Variants in DNM3 observed in about 807,000 individuals in gnomAD.
DNM3 encodes the protein dynamin-3.
A neutral mutation model predicts 101.6 loss-of-function variants in DNM3; 47 were observed. The observed-to-expected ratio is 0.46, with a 90% CI of 0.37 to 0.59. DNM3 has a LOEUF of 0.59. DNM3 is among the 20% of genes least tolerant of loss of function. DNM3 has a pLI of 0.00. For synonymous variants in DNM3, 385 were observed against 387.9 expected (o/e 0.99, Z 0.09); for missense variants, 849 against 1,085.7 (o/e 0.78, Z 3.06).
chr1:171,918,793 G>A (rs1312364599), intron 1 of DNM3, among the ~76,000 whole-genome samples: 1 of 152,090 alleles, frequency 6.6e-6, no homozygotes, highest in Non-Finnish European at 1.5e-5. Context: ...ATGTATCTGT[G>A]TATTTTTAGT....
At chr1:172,268,105 G>C (rs1043766769) in intron 15 of DNM3, among the ~76,000 whole-genome samples, 2 of 152,058 alleles carry the variant, frequency 1.3e-5, no homozygotes, top group Non-Finnish European at 2.9e-5. Context: ...TTTTCTGCTA[G>C]AACTATTAAG....
chr1:172,033,318 G>T lies in DNM3; in HGVS notation c.849+53G>T, dbSNP rs192599151. On this transcript the variant is annotated intron_variant, in intron 6 of 20. Transcript: ENST00000627582. ...ACAATTATGAAATATGTAAGTAGGT[G>T]CTGGAATTCATATTTATTATTTTTA... is the stretch of plus-strand genomic sequence containing the variant. 39 of 1,471,462 alleles carry T rather than the reference G, an allele frequency of 2.7e-5. No homozygotes were observed. In the Admixed American group the frequency reaches 1.0e-3, roughly 38 times the overall value. The allele number at this position is 1,471,462 out of a possible 1,614,324, so 91.2% of individuals were successfully genotyped here. A position where few individuals can be genotyped will look rare whatever the true frequency, so the allele number is the denominator to read the frequency against.
intron 20 of DNM3, among the ~76,000 whole-genome samples, chr1:172,399,574 C>G (rs2070301918): frequency 6.6e-6 from 1 of 152,086 alleles, no homozygotes. Context: ...TTTAATTGGA[C>G]TTAGTCACAT....
intron 15 of DNM3, among the ~76,000 whole-genome samples, chr1:172,287,791 A>C (rs1454081946): frequency 6.4e-5 from 9 of 141,160 alleles, no homozygotes; most frequent in African/African-American, 2.5e-4. Context: ...TAAAATATAT[A>C]TATATATACA....
At chr1:172,008,023 G>A (rs962718812) in intron 4 of DNM3, among the ~76,000 whole-genome samples, 2 of 151,810 alleles carry the variant, frequency 1.3e-5, no homozygotes, top group African/African-American at 4.8e-5. Context: ...ACATCTATTC[G>A]GGTCTTTTGC....
chr1:172,195,799 T>C (rs976931522), intron 14 of DNM3, among the ~76,000 whole-genome samples: 3 of 151,958 alleles, frequency 2.0e-5, no homozygotes, highest in Admixed American at 6.6e-5. Flanking sequence ...ATTCTTTTTA[T>C]GTATTTTTGG....
At chr1:171,966,777 G>A (rs1045184319) in intron 2 of DNM3, among the ~76,000 whole-genome samples, 1 of 152,148 alleles carries the variant, frequency 6.6e-6, no homozygotes, top group African/African-American at 2.4e-5. Flanking sequence ...AAATGAGGTG[G>A]AATTTGGCTC....
chr1:171,961,134 G>T (rs754845758), intron 2 of DNM3, among the ~76,000 whole-genome samples: 19 of 152,140 alleles, frequency 1.2e-4, no homozygotes, highest in Non-Finnish European at 2.2e-4. Flanking sequence ...GTTTACAGCA[G>T]GAAAAGTGGC....
At chr1:172,158,482 C>T (rs1256880509) in intron 14 of DNM3, among the ~76,000 whole-genome samples, 1 of 152,004 alleles carries the variant, frequency 6.6e-6, no homozygotes, top group Non-Finnish European at 1.5e-5. Flanking sequence ...ACCTAGAGAA[C>T]ATCCAGGATC....
intron 16 of DNM3, among the ~76,000 whole-genome samples, chr1:172,317,362 A>G (rs1056597252): frequency 7.2e-5 from 11 of 152,092 alleles, no homozygotes; most frequent in African/African-American, 2.4e-4. Flanking sequence ...TTCAAAAGCT[A>G]GCAGAAGGCA....
At chr1:171,872,784 TG>T (rs201561356) in intron 1 of DNM3, among the ~76,000 whole-genome samples, 6,059 of 152,282 alleles carry the variant, frequency 0.04, 169 homozygotes, top group Non-Finnish European at 0.06. Context: ...TCTGAAGAAA[TG>T]TTTGTTTTTT....
chr1:172,292,610 C>CAA (rs1351685557), intron 15 of DNM3, among the ~76,000 whole-genome samples: 1 of 148,870 alleles, frequency 6.7e-6, no homozygotes, highest in Non-Finnish European at 1.5e-5. Context: ...TTCACACACA[C>CAA]ACACACACAC....
intron 20 of DNM3, among the ~76,000 whole-genome samples, chr1:172,395,031 T>TC (rs1408749387): frequency 6.6e-5 from 10 of 152,222 alleles, no homozygotes; most frequent in African/African-American, 2.4e-4. Flanking sequence ...CAGTTCTTGT[T>TC]ATTTCTTGTT....
intron 14 of DNM3, among the ~76,000 whole-genome samples, chr1:172,206,418 C>T (rs2060324000): frequency 1.3e-5 from 2 of 152,132 alleles, no homozygotes; most frequent in Non-Finnish European, 2.9e-5. Context: ...TTTATGTCTA[C>T]TTCCTCTTTT....
In DNM3 at chr1:172,412,704, T is replaced by TAAC. The variant is rs2071279579; in HGVS notation, c.*4865_*4867dup. 11 of 985,826 alleles carry TAAC rather than the reference T, an allele frequency of 1.1e-5. No homozygotes were observed. The highest frequency in any genetic ancestry group is 1.3e-5 in the Non-Finnish European group (11 of 829,878). 61.1% of individuals were successfully genotyped at this position (985,826 alleles called of 1,614,324 possible). A position where few individuals can be genotyped will look rare whatever the true frequency, so the allele number is the denominator to read the frequency against. On this transcript the variant is annotated 3_prime_UTR_variant, in exon 21 of 21. Transcript: ENST00000627582. ...GTATTTCTGAAGCTGAAATAAATTA[T>TAAC]AACATTTGAAGGACCCCTTTTCCTC...
At chr1:172,078,906 C>G (rs1558534631) in intron 11 of DNM3, among the ~76,000 whole-genome samples, 1 of 152,042 alleles carries the variant, frequency 6.6e-6, no homozygotes. Context: ...GGACATGAAA[C>G]TCTGCGTTGA....
chr1:172,079,678 G>A (rs879802485), intron 11 of DNM3, among the ~76,000 whole-genome samples: 6 of 152,092 alleles, frequency 3.9e-5, no homozygotes, highest in African/African-American at 4.8e-5. Flanking sequence ...AAGGAGTTGC[G>A]ATCCTTTGGA....
intron 16 of DNM3, among the ~76,000 whole-genome samples, chr1:172,317,155 A>G (rs2065417852): frequency 6.6e-6 from 1 of 151,662 alleles, no homozygotes; most frequent in Non-Finnish European, 1.5e-5. Flanking sequence ...ACATAACGAA[A>G]TGAAGGCAGA....
chr1:172,105,324 G>A (rs148261025), intron 13 of DNM3, among the ~76,000 whole-genome samples: 10 of 152,266 alleles, frequency 6.6e-5, no homozygotes, highest in Middle Eastern at 3.4e-3. Context: ...TAGTTTTCCT[G>A]TTTTATAAAT....
Sources: gnomAD v4.1 joint callset for allele counts (sites outside exome capture counted in the v4.1 genomes callset) on GRCh38, gnomAD v4.1.1 for gene constraint, MANE v1.5 for transcripts, NCBI Gene and HGNC (gene_info 2026-07-23, HGNC 2026-07-21) for gene names.